Variants in ADAMTS8 observed in about 807,000 individuals in gnomAD.
The protein encoded by ADAMTS8 is A disintegrin and metalloproteinase with thrombospondin motifs 8.
In ADAMTS8, 50 loss-of-function variants were observed where a neutral mutation model predicts 64.4. That is an observed-to-expected ratio of 0.78 (90% CI 0.62 to 0.98). The LOEUF is 0.98. ADAMTS8 is among the 50% of genes least tolerant of loss of function. The pLI is 0.00. For synonymous variants in ADAMTS8, 556 were observed against 533.6 expected (o/e 1.04, Z -0.58); for missense variants, 1,192 against 1,208.2 (o/e 0.99, Z 0.20).
chr11:130,414,847 A>G lies in ADAMTS8; in HGVS notation c.1265-15T>C. On this transcript the variant is annotated splice_polypyrimidine_tract_variant and intron_variant, in intron 4 of 8. Coordinates refer to ENST00000257359, the MANE Select transcript of ADAMTS8 (RefSeq NM_007037.6). The stretch of plus-strand genomic sequence containing the variant: ...GAGACAGTCTCCTGGGAAAAGAGGA[A>G]GCAGGGGTGTAAGAACATGCACAGG... The G allele has an allele frequency of 6.3e-7, 1 of 1,594,874 alleles. No homozygotes were observed. Among genetic ancestry groups the G allele is most frequent in the South Asian group, 1.1e-5 (1 of 89,182 alleles).
intron 4 of ADAMTS8, 144 bp from the exon 5 acceptor site, chr11:130,414,976 C>CAAG: frequency 1.1e-6 from 1 of 893,532 alleles, no homozygotes; most frequent in Non-Finnish European, 1.6e-6. Context: ...ACTTGATGAT[C>CAAG]TAGTGAGAGC....
rs1862027128 is a variant in ADAMTS8 at position 130,416,492 on chromosome 11, C to T, written c.1097-162G>A. Among the ~76,000 whole-genome samples the T allele has an allele frequency of 6.6e-6, 1 of 152,244 alleles. No homozygotes were observed. The highest frequency in any genetic ancestry group is 2.4e-5 in the African/African-American group (1 of 41,470). On this transcript the variant is annotated intron_variant, in intron 3 of 8. Coordinates refer to ENST00000257359, the MANE Select transcript of ADAMTS8 (RefSeq NM_007037.6). The surrounding 1 kb of genome is among the most constrained non-coding windows in gnomAD (Gnocchi z 4.8). Reference sequence around the variant, plus strand: ...CCCTGCGCTTTGCTCTTCCAGGACGCGTTCTCAGATGACTAAGAAACACGG... The same window carrying T: ...CCCTGCGCTTTGCTCTTCCAGGACGTGTTCTCAGATGACTAAGAAACACGG...
rs1331317367 is a variant in ADAMTS8 at position 130,427,909 on chromosome 11, G to C, written c.378C>G (p.Phe126Leu). The C allele has an allele frequency of 6.5e-7, 1 of 1,534,098 alleles. No individual in the cohort carries two copies. The highest frequency in any genetic ancestry group is 8.7e-7 in the Non-Finnish European group (1 of 1,146,344). Residue 126 changes from phenylalanine to leucine, a missense_variant, in exon 1 of 9, where the codon TTC becomes TTG. By Grantham distance (22) the Phe-to-Leu change is conservative (BLOSUM62 0). Around this residue, in one of 5 missense-constraint regions of ADAMTS8, gnomAD observed 741 missense variants for 710.6 expected, o/e 1.04. Transcript: ENST00000257359. ...VSLCRGLSGS[F>L]LLDGEEFTIQ... ...TGGTGAACTCCTCGCCGTCCAGCAG[G>C]AAGGAGCCGCTCAGCCCGCGGCACA...
At chr11:130,410,357 G>A (rs892723559) in intron 6 of ADAMTS8, among the ~76,000 whole-genome samples, 5 of 152,060 alleles carry the variant, frequency 3.3e-5, no homozygotes, top group African/African-American at 9.7e-5. Flanking sequence ...AAAAATACTC[G>A]ACAGTAATGG....
chr11:130,414,910 T>A lies in ADAMTS8; in HGVS notation c.1265-78A>T, dbSNP rs147696804. 1.8e-5 allele frequency: 25 copies of A among 1,413,746 alleles called. No individual in the cohort carries two copies. The East Asian group carries it at 6.2e-4, about 35-fold the overall frequency. 87.6% of individuals were successfully genotyped at this position (1,413,746 alleles called of 1,614,324 possible). A position where few individuals can be genotyped will look rare whatever the true frequency, so the allele number is the denominator to read the frequency against. ...TCAGCTCTTCATGGCCTGTGATGGA[T>A]GGCACTGAAGGTCTAGGTGTCACGA... is the stretch of plus-strand genomic sequence containing the variant. On this transcript the variant is annotated intron_variant, in intron 4 of 8. Coordinates refer to ENST00000257359, the MANE Select transcript of ADAMTS8 (RefSeq NM_007037.6).
chr11:130,428,269 GGCGGGGGCGGGGAGCATGGGGGCT>G lies in ADAMTS8; in HGVS notation c.-7_17del. The G allele has an allele frequency of 8.3e-7, 1 of 1,208,002 alleles. No homozygotes were observed. Among genetic ancestry groups the G allele is most frequent in the Non-Finnish European group, 1.0e-6 (1 of 976,024 alleles). 74.8% of individuals were successfully genotyped at this position (1,208,002 alleles called of 1,614,324 possible). On this transcript the variant is annotated start_lost and 5_prime_UTR_variant, in exon 1 of 9. Transcript: ENST00000257359. ...GCAGGAGCGGAGGCCACCGGGGGGC[GGCGGGGGCGGGGAGCATGGGGGCT>G]GCGGCGGTGGCTGCGCGCAGGAGAG...
chr11:130,418,028 A>C (rs1180383464), intron 2 of ADAMTS8, among the ~76,000 whole-genome samples: 1 of 151,030 alleles, frequency 6.6e-6, no homozygotes, highest in African/African-American at 2.4e-5. Context: ...AAAAAAAAAA[A>C]AATTTAGCTG....
intron 2 of ADAMTS8, among the ~76,000 whole-genome samples, chr11:130,418,471 G>A (rs962662274): frequency 3.9e-5 from 6 of 152,220 alleles, no homozygotes; most frequent in African/African-American, 1.2e-4. Context: ...GACTATGGGC[G>A]CTGCCGCTAT....
chr11:130,411,670 G>A lies in ADAMTS8; in HGVS notation c.1567-70C>T, dbSNP rs745578737. The A allele has an allele frequency of 9.6e-5, 147 of 1,524,362 alleles. No homozygotes were observed. Among genetic ancestry groups the A allele is most frequent in the Non-Finnish European group, 1.3e-4 (141 of 1,113,328 alleles). 94.4% of individuals were successfully genotyped at this position (1,524,362 alleles called of 1,614,324 possible). ...GGCTTCAGTATCTGTGTCACTGGGT[G>A]GCCAATGCCCTGGCTTCCTCATCTA... On this transcript the variant is annotated intron_variant, in intron 5 of 8. Coordinates refer to ENST00000257359, the MANE Select transcript of ADAMTS8 (RefSeq NM_007037.6). The surrounding 1 kb of genome is among the most constrained non-coding windows in gnomAD (Gnocchi z 4.2).
chr11:130,417,040 C>G lies in ADAMTS8; in HGVS notation c.996G>C (p.Leu332=), dbSNP rs1425963742. Residue 332 remains leucine, a synonymous_variant, in exon 3 of 9, where the codon CTG becomes CTC. Transcript: ENST00000257359. The part of the protein sequence containing the change: ...FCGQEGLCDT[L]GVADIGTICD... Reference sequence around the variant, plus strand: ...AAATGGTCCCGATGTCTGCCACACCCAGGGTGTCACACAGCCCCTCCTGCC... The same window carrying G: ...AAATGGTCCCGATGTCTGCCACACCGAGGGTGTCACACAGCCCCTCCTGCC... 3 of 1,613,882 alleles carry G rather than the reference C, an allele frequency of 1.9e-6. No homozygotes were observed. In the East Asian group the frequency reaches 6.7e-5, roughly 36 times the overall value.
chr11:130,414,266 A>G (rs746138379), intron 5 of ADAMTS8, among the ~76,000 whole-genome samples: 10 of 151,556 alleles, frequency 6.6e-5, no homozygotes, highest in Non-Finnish European at 1.5e-4. Context: ...TGGGACTACA[A>G]GCGTGAGTCA....
In ADAMTS8 at chr11:130,419,091, G is replaced by A. The variant is rs1341205542; in HGVS notation, c.922C>T (p.Pro308Ser). The A allele has an allele frequency of 6.2e-7, 1 of 1,614,032 alleles. No individual in the cohort carries two copies. The highest frequency in any genetic ancestry group is 1.7e-5 in the Admixed American group (1 of 60,004). The change falls in exon 2 of 9, where the codon CCA becomes TCA. Residue 308 changes from proline to serine, a missense_variant. Coordinates refer to ENST00000257359, the MANE Select transcript of ADAMTS8 (RefSeq NM_007037.6). ...RRFNQPSDRH[P>S]EHYDTAILLT... ...AGGATGGCCGTGTCGTAGTGCTCTG[G>A]GTGGCGGTCGCTGGGCTGGTTGAAA...
In ADAMTS8 at chr11:130,414,853, G is replaced by T. The variant is rs946749207; in HGVS notation, c.1265-21C>A. The T allele has an allele frequency of 1.9e-6, 3 of 1,586,000 alleles. No homozygotes were observed. The African/African-American group carries it at 4.0e-5, about 21-fold the overall frequency. ...GTCTCCTGGGAAAAGAGGAAGCAGG[G>T]GTGTAAGAACATGCACAGGGCTGCC... is the stretch of plus-strand genomic sequence containing the variant. On this transcript the variant is annotated intron_variant, in intron 4 of 8. Transcript: ENST00000257359.
chr11:130,406,943 G>A (rs1861892812), intron 8 of ADAMTS8, among the ~76,000 whole-genome samples: 1 of 152,220 alleles, frequency 6.6e-6, no homozygotes. Context: ...GCTGGGGCTA[G>A]CTGCTTAGTT....
At chr11:130,417,367 C>G (rs1862040839) in intron 2 of ADAMTS8, among the ~76,000 whole-genome samples, 1 of 151,920 alleles carries the variant, frequency 6.6e-6, no homozygotes, top group Admixed American at 6.6e-5. Context: ...GGCGATTCTC[C>G]CACCTCAGCC....
At chr11:130,412,429 G>A (rs1463935709) in intron 5 of ADAMTS8, among the ~76,000 whole-genome samples, 1 of 151,932 alleles carries the variant, frequency 6.6e-6, no homozygotes, top group Non-Finnish European at 1.5e-5. Context: ...GGCCATGCTG[G>A]TCTTGAACTC....
chr11:130,410,067 C>T (rs1018614765), intron 6 of ADAMTS8, among the ~76,000 whole-genome samples: 5 of 152,218 alleles, frequency 3.3e-5, no homozygotes, highest in African/African-American at 1.2e-4. Flanking sequence ...GAGGGCCCTT[C>T]TCACACCTTT....
chr11:130,427,867 C>T lies in ADAMTS8; in HGVS notation c.420G>A (p.Ala140=), dbSNP rs766521945. The stretch of plus-strand genomic sequence containing the variant: ...GGTGCGGCTGAGCCAGGGAGCCCCC[C>T]GCGCCCTGCGGCTGGATGGTGAACT... The part of the protein sequence containing the change: ...GEEFTIQPQG[A]GGSLAQPHRL... The change falls in exon 1 of 9, where the codon GCG becomes GCA. Residue 140 remains alanine, a synonymous_variant. Coordinates refer to ENST00000257359, the MANE Select transcript of ADAMTS8 (RefSeq NM_007037.6). 7.8e-6 allele frequency: 12 copies of T among 1,535,468 alleles called. No individual in the cohort carries two copies. In the South Asian group the frequency reaches 1.4e-4, roughly 18 times the overall value.
chr11:130,407,559 C>T (rs1019917130), intron 8 of ADAMTS8, among the ~76,000 whole-genome samples: 1 of 152,066 alleles, frequency 6.6e-6, no homozygotes, highest in Non-Finnish European at 1.5e-5. Flanking sequence ...GAACACTTCT[C>T]AAAAACTCTG....
Sources: gnomAD v4.1 joint callset for allele counts (sites outside exome capture counted in the v4.1 genomes callset) on GRCh38, gnomAD v4.1.1 for gene constraint, gnomAD v4.1.1 regional missense constraint, Gnocchi (gnomAD v3.1) non-coding constraint, MANE v1.5 for transcripts, NCBI Gene and HGNC (gene_info 2026-07-23, HGNC 2026-07-21) for gene names.